The following PTPRT variants were observed in gnomAD, a reference collection of about 807,000 sequenced individuals.
The protein encoded by PTPRT is protein tyrosine phosphatase receptor type T, also known as receptor-type tyrosine-protein phosphatase T.
A neutral mutation model predicts 176.8 loss-of-function variants in PTPRT; 56 were observed. The observed-to-expected ratio is 0.32, with a 90% CI of 0.26 to 0.40. The LOEUF is 0.40. PTPRT is among the 10% of genes least tolerant of loss of function. PTPRT has a pLI of 1.00. For synonymous variants in PTPRT, 783 were observed against 739.0 expected (o/e 1.06, Z -0.96); for missense variants, 1,540 against 1,908.2 (o/e 0.81, Z 3.60).
chr20:42,060,773 G>A, the PTPRT span, among the ~76,000 whole-genome samples: 6,691 of 152,234 alleles, frequency 0.044, 416 homozygotes, highest in African/African-American at 0.14. Flanking sequence ...AGCATGAAAA[G>A]AGACGAATAC....
chr20:42,180,075 T>C (rs1164122950), intron 16 of PTPRT, among the ~76,000 whole-genome samples: 1 of 152,206 alleles, frequency 6.6e-6, no homozygotes, highest in Non-Finnish European at 1.5e-5. Context: ...AGTTTTCTCC[T>C]TACCCCAGAA....
chr20:42,727,152 A>C (rs1047049478), intron 6 of PTPRT, among the ~76,000 whole-genome samples: 1 of 152,212 alleles, frequency 6.6e-6, no homozygotes, highest in Non-Finnish European at 1.5e-5. Flanking sequence ...GGGGAACCTC[A>C]GATGGCCTTG....
At chr20:42,110,680 C>A (rs895861237) in intron 22 of PTPRT, among the ~76,000 whole-genome samples, 193 bp from the exon 23 acceptor site, 2 of 152,206 alleles carry the variant, frequency 1.3e-5, no homozygotes, top group African/African-American at 4.8e-5. Flanking sequence ...ATTGTTAAAA[C>A]GAAACCGATG....
At chr20:42,085,547 A>G (rs778630982) in intron 28 of PTPRT, among the ~76,000 whole-genome samples, 181 bp downstream of exon 28, 2 of 152,122 alleles carry the variant, frequency 1.3e-5, no homozygotes, top group East Asian at 1.9e-4. Context: ...TTGCATCTCT[A>G]TGTGTTGGAG....
chr20:42,223,558 G>T (rs888008366), intron 15 of PTPRT, among the ~76,000 whole-genome samples: 1 of 152,178 alleles, frequency 6.6e-6, no homozygotes, highest in Non-Finnish European at 1.5e-5. Flanking sequence ...TGAGCAAATT[G>T]CCCCTTGCCT....
rs578079178 is a variant in PTPRT, at chr20:42,840,438, A to C, written c.214+45369T>G. The stretch of plus-strand genomic sequence containing the variant: ...TTCATTTTTTTGGTGTGTGACACTG[A>C]GTCTCACTCTGTTGTCCAGGCTGGA... On this transcript the variant is annotated intron_variant, in intron 2 of 30. Coordinates refer to ENST00000373187, the MANE Select transcript of PTPRT (RefSeq NM_007050.6). Among the ~76,000 whole-genome samples, 4 of 152,054 alleles carry C rather than the reference A, an allele frequency of 2.6e-5. No individual in the cohort carries two copies. In the East Asian group the frequency reaches 7.7e-4, roughly 29 times the overall value.
rs917857893 is a variant in PTPRT at position 42,104,668 on chromosome 20, G to A, written c.3441C>T (p.Gly1147=). The A allele has an allele frequency of 3.1e-6, 5 of 1,592,278 alleles. No individual in the cohort carries two copies. In the African/African-American group the frequency reaches 6.7e-5, roughly 21 times the overall value. The change falls in exon 25 of 31, where the codon GGC becomes GGT. Residue 1147 remains glycine (G), a synonymous_variant. Transcript: ENST00000373187. Reference sequence around the variant, plus strand: ...ACTCACACACAGGGATGGCAGTGTTGCCACAGAGGCACGCTTCCAGGATGG... The same window carrying A: ...ACTCACACACAGGGATGGCAGTGTTACCACAGAGGCACGCTTCCAGGATGG... ...HDAILEACLC[G]NTAIPVCEFR...
chr20:42,656,253 G>A (rs1011172117), intron 7 of PTPRT, among the ~76,000 whole-genome samples: 2 of 152,136 alleles, frequency 1.3e-5, no homozygotes, highest in Admixed American at 1.3e-4. Context: ...TAGAGGGATG[G>A]ATGTGGGAGA....
chr20:42,478,983 A>C (rs555627904), intron 7 of PTPRT, among the ~76,000 whole-genome samples: 1 of 152,196 alleles, frequency 6.6e-6, no homozygotes, highest in Non-Finnish European at 1.5e-5. Flanking sequence ...GGGCAGGGGA[A>C]AAGCAATAAG....
chr20:42,424,899 G>A (rs1274214554), intron 9 of PTPRT, among the ~76,000 whole-genome samples: 3 of 150,846 alleles, frequency 2.0e-5, no homozygotes, highest in Non-Finnish European at 4.4e-5. Context: ...TCTCTCTGAC[G>A]TATGCGTGGA....
chr20:42,176,092 A>G (rs972313048), intron 16 of PTPRT, among the ~76,000 whole-genome samples: 1 of 152,172 alleles, frequency 6.6e-6, no homozygotes, highest in Non-Finnish European at 1.5e-5. Flanking sequence ...CCGGACTGTA[A>G]GCTCCATGAA....
chr20:42,492,574 T>C (rs1319483141), intron 7 of PTPRT, among the ~76,000 whole-genome samples: 1 of 152,212 alleles, frequency 6.6e-6, no homozygotes, highest in Non-Finnish European at 1.5e-5. Flanking sequence ...CAGCCTGTTG[T>C]GCAAATATAG....
At chr20:42,351,458 T>C (rs890426496) in intron 10 of PTPRT, among the ~76,000 whole-genome samples, 3 of 152,096 alleles carry the variant, frequency 2.0e-5, no homozygotes, top group Non-Finnish European at 4.4e-5. Flanking sequence ...GAAACACTTA[T>C]GGGATAAAGA....
chr20:42,730,758 C>T (rs2076448567), intron 6 of PTPRT, among the ~76,000 whole-genome samples: 1 of 152,200 alleles, frequency 6.6e-6, no homozygotes, highest in Non-Finnish European at 1.5e-5. Context: ...GGTGAGAGGA[C>T]ATGGCTGATG....
Position 42,111,209 on chromosome 20 carries a change from C to T in PTPRT, c.3100-722G>A, listed in dbSNP as rs575040611. Among the ~76,000 whole-genome samples the T allele has an allele frequency of 3.9e-5, 6 of 152,258 alleles. No homozygotes were observed. In the East Asian group the frequency reaches 5.8e-4, roughly 15 times the overall value. On this transcript the variant is annotated intron_variant, in intron 22 of 30. Transcript: ENST00000373187. ...TGGCCAGGTCACACTTCTAAGCCTT[C>T]GCTTAGACAGTTCCTGTTCCCTACT...
At chr20:42,842,469 T>C (rs2145730337) in intron 2 of PTPRT, among the ~76,000 whole-genome samples, 2 of 152,322 alleles carry the variant, frequency 1.3e-5, no homozygotes. Context: ...ACTCAGGCTA[T>C]AGAGCATTGG....
intron 11 of PTPRT, among the ~76,000 whole-genome samples, chr20:42,324,394 G>A (rs1428609623): frequency 1.3e-5 from 2 of 152,244 alleles, no homozygotes; most frequent in African/African-American, 2.4e-5. Flanking sequence ...ATTGTACATG[G>A]GCATAGGGGA....
chr20:42,182,904 A>AGG (rs1240566403), intron 16 of PTPRT, among the ~76,000 whole-genome samples: 1 of 88,078 alleles, frequency 1.1e-5, no homozygotes, highest in Non-Finnish European at 2.3e-5. Context: ...TCCTACAAGC[A>AGG]GGGGTGTGTG....
In PTPRT at chr20:42,087,989, G is replaced by C. The variant is rs200298902; in HGVS notation, c.3847-2136C>G. 3.5e-4 allele frequency among the ~76,000 whole-genome samples: 53 copies of C among 152,116 alleles called. 1 individual carries two copies. In the East Asian group the frequency reaches 8.7e-3, roughly 25 times the overall value. The stretch of plus-strand genomic sequence containing the variant: ...TTAGCTGAGGAGAGAATGTTGAGGT[G>C]GGGGGTGGGGTGTGTGGCTGCAGAG... On this transcript the variant is annotated intron_variant, in intron 27 of 30. Coordinates refer to ENST00000373187, the MANE Select transcript of PTPRT (RefSeq NM_007050.6).
Sources: gnomAD v4.1 joint callset for allele counts (sites outside exome capture counted in the v4.1 genomes callset) on GRCh38, gnomAD v4.1.1 for gene constraint, MANE v1.5 for transcripts, NCBI Gene and HGNC (gene_info 2026-07-23, HGNC 2026-07-21) for gene names.